APBB2: variants seen among roughly 807,000 people sequenced by gnomAD.
The protein encoded by APBB2 is Fe65-like 1.
Under a neutral mutation model 82.5 loss-of-function variants are expected in APBB2, and 38 were observed. The ratio of observed to expected loss-of-function variants is 0.46; its 90% CI spans 0.36 to 0.60. The LOEUF (loss-of-function observed/expected upper bound fraction) is 0.60, where lower values mean the gene tolerates loss of function less well. APBB2 is among the 20% of genes least tolerant of loss of function. APBB2 has a pLI of 0.00. For synonymous variants in APBB2, 341 were observed against 368.2 expected, an observed-to-expected ratio of 0.93 and a Z score of 0.85; for missense variants, 772 against 972.3, an observed-to-expected ratio of 0.79 and a Z score of 2.74.
chr4:40,985,954 A>G (rs1314194199), intron 6 of APBB2, among the ~76,000 whole-genome samples: 5 of 152,230 alleles, frequency 3.3e-5, no homozygotes, highest in African/African-American at 1.2e-4. Flanking sequence ...AACTCCGGTA[A>G]TAGGTTGTCC....
intron 2 of APBB2, among the ~76,000 whole-genome samples, chr4:41,120,703 T>C (rs1752545897): frequency 6.6e-6 from 1 of 152,154 alleles, no homozygotes; most frequent in South Asian, 2.1e-4. Flanking sequence ...AAAATGAGTT[T>C]CACCATCCGT....
chr4:40,982,278 GAAAGAAGGAAGGAAGGAA>G (rs1560446320), intron 6 of APBB2, among the ~76,000 whole-genome samples: 1 of 34,896 alleles, frequency 2.9e-5, no homozygotes, highest in African/African-American at 1.4e-4. Flanking sequence ...AAGAAAGAAA[GAAAGAAGGAAGGAAGGAA>G]GGAAGGAAGG....
rs115141097 is a variant in APBB2 at position 40,936,639 on chromosome 4, T to C, written c.1045-1500A>G. The stretch of plus-strand genomic sequence containing the variant: ...AGACCCATTATTACTATTGCACATG[T>C]GGTGTCATTTTCATTTTTGGTCTAG... On this transcript the variant is annotated intron_variant, in intron 7 of 17. Transcript: ENST00000508593. Among the ~76,000 whole-genome samples the C allele has an allele frequency of 7.6e-3, 1,151 of 152,338 alleles. 16 individuals carry two copies. The highest frequency in any genetic ancestry group is 0.026 in the African/African-American group (1,081 of 41,580).
Position 41,101,377 on chromosome 4 carries a change from T to C in APBB2, c.-260-627A>G, listed in dbSNP as rs1745311683. 2.8e-5 allele frequency among the ~76,000 whole-genome samples: 4 copies of C among 141,112 alleles called. No individual in the cohort carries two copies. The South Asian group carries it at 9.1e-4, about 32-fold the overall frequency. 92.6% of individuals were successfully genotyped at this position (141,112 alleles called of 152,430 possible). ...TACTTGGGAGGCTGAGGCAGGAGAA[T>C]GGCGTGAACCCGGGAAGCGGAGCTT... On this transcript the variant is annotated intron_variant, in intron 2 of 17. Transcript: ENST00000508593.
At chr4:40,880,462 CT>C (rs1160433964) in intron 12 of APBB2, 1 of 985,326 alleles carries the variant, frequency 1.0e-6, no homozygotes, top group African/African-American at 1.7e-5. Flanking sequence ...TTTAGCAATT[CT>C]TCAAGCACCA....
chr4:41,003,780 C>T (rs979483468), intron 6 of APBB2, among the ~76,000 whole-genome samples: 10 of 152,130 alleles, frequency 6.6e-5, no homozygotes, highest in South Asian at 2.1e-4. Context: ...TGGCATGATC[C>T]CGGCTCACTG....
At chr4:40,938,689 G>T (rs1003060693) in intron 7 of APBB2, among the ~76,000 whole-genome samples, 6 of 152,150 alleles carry the variant, frequency 3.9e-5, no homozygotes, top group African/African-American at 1.4e-4. Flanking sequence ...CAAAGCAGGG[G>T]GCAAGAGTGG....
At chr4:40,924,307 T>C (rs1277549869) in intron 10 of APBB2, among the ~76,000 whole-genome samples, 2 of 152,216 alleles carry the variant, frequency 1.3e-5, no homozygotes. Context: ...CTGAAGGCAC[T>C]AATTTTGAAT....
intron 4 of APBB2, among the ~76,000 whole-genome samples, chr4:41,059,884 G>A (rs534424559): frequency 2.6e-5 from 4 of 151,662 alleles, no homozygotes; most frequent in Admixed American, 6.6e-5. Context: ...GAGTCTCCCC[G>A]ACCAAGCTGG....
intron 2 of APBB2, among the ~76,000 whole-genome samples, chr4:41,134,089 G>A (rs1233681805): frequency 2.6e-5 from 4 of 152,140 alleles, no homozygotes; most frequent in Non-Finnish European, 5.9e-5. Flanking sequence ...ACCCACCTCT[G>A]CCTCTTGAGT....
At position 40,915,456 on chromosome 4, in the gene APBB2, G is replaced by A. The variant is rs114680514; in HGVS notation, c.1254+19000C>T. 7.1e-3 allele frequency among the ~76,000 whole-genome samples: 1,080 copies of A among 152,326 alleles called. 15 individuals are homozygous for A. Among genetic ancestry groups the A allele is most frequent in the African/African-American group, 0.025 (1,039 of 41,566 alleles). Reference sequence around the variant, plus strand: ...CCGGAGCGCAGAGCCTGATCCTAGTGAGTGTTAAATGAATGTATATCTGCG... The same window carrying A: ...CCGGAGCGCAGAGCCTGATCCTAGTAAGTGTTAAATGAATGTATATCTGCG... On this transcript the variant is annotated intron_variant, in intron 10 of 17. Transcript: ENST00000508593.
chr4:41,166,652 T>C (rs954709867), intron 1 of APBB2, among the ~76,000 whole-genome samples: 4 of 151,976 alleles, frequency 2.6e-5, no homozygotes, highest in African/African-American at 7.2e-5. Flanking sequence ...TCCCAACACT[T>C]TGGGAGGCCG....
At chr4:40,846,359 TCACAATTTTATA>T (rs1047647492) in intron 12 of APBB2, among the ~76,000 whole-genome samples, 11 of 138,248 alleles carry the variant, frequency 8.0e-5, no homozygotes, top group Non-Finnish European at 1.7e-4. Context: ...GTGCACAGAC[TCACAATTTTATA>T]CACAATTTTG....
chr4:41,126,809 T>C (rs886929179), intron 2 of APBB2, among the ~76,000 whole-genome samples: 5 of 152,202 alleles, frequency 3.3e-5, no homozygotes, highest in African/African-American at 7.2e-5. Context: ...CTTCTTCTTA[T>C]AAGGCACCAA....
chr4:40,884,496 A>C (rs1769620277), intron 12 of APBB2, among the ~76,000 whole-genome samples: 1 of 152,142 alleles, frequency 6.6e-6, no homozygotes. Flanking sequence ...AAACATCCTA[A>C]CCAGGCACAG....
chr4:40,831,260 G>A (rs1440994042), intron 12 of APBB2, among the ~76,000 whole-genome samples: 4 of 152,142 alleles, frequency 2.6e-5, no homozygotes, highest in South Asian at 4.1e-4. Context: ...TTAGCTGGGC[G>A]TGGTGGCCGG....
chr4:40,848,810 T>C, intron 12 of APBB2: 1 of 972,242 alleles, frequency 1.0e-6, no homozygotes, highest in Non-Finnish European at 1.2e-6. Context: ...ATCGGCTGCT[T>C]GGTCTGCTTT....
chr4:41,047,662 C>A (rs1320597878), intron 4 of APBB2, among the ~76,000 whole-genome samples: 3 of 152,222 alleles, frequency 2.0e-5, no homozygotes, highest in Non-Finnish European at 4.4e-5. Flanking sequence ...AGCAGCAGAG[C>A]CCAGGCTCCA....
At chr4:41,147,320 C>CTA (rs1761044277) in intron 1 of APBB2, among the ~76,000 whole-genome samples, 1 of 152,108 alleles carries the variant, frequency 6.6e-6, no homozygotes, top group African/African-American at 2.4e-5. Flanking sequence ...CAACAGAAGA[C>CTA]TAAACAGAAA....
Sources: gnomAD v4.1 joint callset for allele counts (sites outside exome capture counted in the v4.1 genomes callset) on GRCh38, gnomAD v4.1.1 for gene constraint, MANE v1.5 for transcripts, NCBI Gene and HGNC (gene_info 2026-07-23, HGNC 2026-07-21) for gene names.